Variants in KCNH5 observed in about 807,000 individuals in gnomAD.
KCNH5 encodes voltage-gated delayed rectifier potassium channel KCNH5.
In KCNH5, 46 loss-of-function variants were observed where a neutral mutation model predicts 96.1. The observed-to-expected ratio is 0.48, with a 90% confidence interval of 0.38 to 0.61. The LOEUF (loss-of-function observed/expected upper bound fraction) is 0.61, where lower values mean the gene tolerates loss of function less well. KCNH5 is among the 20% of genes least tolerant of loss of function. The probability of loss-of-function intolerance (pLI) is 0.00; values close to 1 mark genes in which losing one functional copy is unlikely to be tolerated. For synonymous variants in KCNH5, 439 were observed against 449.8 expected, an observed-to-expected ratio of 0.98 and a Z score of 0.30; for missense variants, 907 against 1,225.8, an observed-to-expected ratio of 0.74 and a Z score of 3.88.
At chr14:62,864,805 G>A in intron 7 of KCNH5, among the ~76,000 whole-genome samples, 1 of 152,062 alleles carries the variant, frequency 6.6e-6, no homozygotes, top group East Asian at 1.9e-4. Flanking sequence ...ATGCTTGTTT[G>A]TTTTTAGAAC....
chr14:62,753,916 A>AG (rs1422099935), intron 10 of KCNH5, among the ~76,000 whole-genome samples: 7 of 152,186 alleles, frequency 4.6e-5, no homozygotes, highest in Non-Finnish European at 2.9e-5. Flanking sequence ...AAAACTTACT[A>AG]GTAATAGTAA....
At chr14:63,018,938 T>C (rs919562916) in intron 1 of KCNH5, among the ~76,000 whole-genome samples, 2 of 151,922 alleles carry the variant, frequency 1.3e-5, no homozygotes, top group Non-Finnish European at 2.9e-5. Context: ...AAATTAAAAA[T>C]TTATTGGATT....
intron 4 of KCNH5, among the ~76,000 whole-genome samples, chr14:62,988,170 C>A (rs1193500068): frequency 6.6e-6 from 1 of 151,978 alleles, no homozygotes; most frequent in Non-Finnish European, 1.5e-5. Context: ...ACAAATAGAA[C>A]AAAACCAGCC....
At chr14:62,897,909 C>T (rs1208236680) in intron 7 of KCNH5, among the ~76,000 whole-genome samples, 2 of 151,998 alleles carry the variant, frequency 1.3e-5, no homozygotes, top group Non-Finnish European at 2.9e-5. Context: ...TGGAGCATGG[C>T]AAACCAATAC....
chr14:62,750,471 G>A (rs1463774367), intron 10 of KCNH5, among the ~76,000 whole-genome samples: 1 of 152,144 alleles, frequency 6.6e-6, no homozygotes, highest in East Asian at 1.9e-4. Context: ...CCGTGGCTGA[G>A]GGTACAAACC....
At chr14:62,909,477 T>C (rs1889107845) in intron 7 of KCNH5, among the ~76,000 whole-genome samples, 1 of 152,232 alleles carries the variant, frequency 6.6e-6, no homozygotes, top group Non-Finnish European at 1.5e-5. Flanking sequence ...ATCTAGCTTT[T>C]TATTAAAAGA....
chr14:62,749,571 T>A (rs1252008963), intron 10 of KCNH5, among the ~76,000 whole-genome samples: 1 of 152,222 alleles, frequency 6.6e-6, no homozygotes, highest in Non-Finnish European at 1.5e-5. Context: ...ATTCAAGAAG[T>A]GTGTTTTGCA....
chr14:62,763,273 A>G (rs557118039), intron 10 of KCNH5, among the ~76,000 whole-genome samples: 1 of 152,334 alleles, frequency 6.6e-6, no homozygotes, highest in South Asian at 2.1e-4. Flanking sequence ...TGGAAATTAA[A>G]CAACCTGCTC....
At position 62,865,869 on chromosome 14, in the gene KCNH5, T is replaced by C. The variant is rs574952328; in HGVS notation, c.1370-16017A>G. ...TAAGCAAGCACTGCAAGTTATTTTA[T>C]ATATGATGGGGTACTTCACTGACTT... On this transcript the variant is annotated intron_variant, in intron 7 of 10. Transcript: ENST00000322893. 2.0e-5 allele frequency among the ~76,000 whole-genome samples: 3 copies of C among 152,348 alleles called. No individual in the cohort carries two copies. In the South Asian group the frequency reaches 6.2e-4, roughly 32 times the overall value.
chr14:62,849,962 G>A, intron 7 of KCNH5, 110 bp from the exon 8 acceptor site: 1 of 841,992 alleles, frequency 1.2e-6, no homozygotes, highest in South Asian at 1.6e-5. Flanking sequence ...AAACTTGCAG[G>A]GGTAAATACA....
intron 8 of KCNH5, among the ~76,000 whole-genome samples, chr14:62,806,542 A>T (rs1418807358): frequency 6.6e-6 from 1 of 152,042 alleles, no homozygotes; most frequent in Non-Finnish European, 1.5e-5. Context: ...TACTGAAGAA[A>T]CCACCCTCCC....
intron 8 of KCNH5, among the ~76,000 whole-genome samples, chr14:62,838,967 A>T (rs1169594661): frequency 6.6e-6 from 1 of 152,030 alleles, no homozygotes; most frequent in Non-Finnish European, 1.5e-5. Context: ...TTGATACTTT[A>T]GAAGAAATAA....
intron 7 of KCNH5, among the ~76,000 whole-genome samples, chr14:62,899,877 G>T (rs1215975600): frequency 6.6e-6 from 1 of 151,988 alleles, no homozygotes; most frequent in Non-Finnish European, 1.5e-5. Flanking sequence ...TTAATTCTTG[G>T]AACAGGACCT....
At chr14:62,810,329 C>A (rs990132512) in intron 8 of KCNH5, among the ~76,000 whole-genome samples, 3 of 151,864 alleles carry the variant, frequency 2.0e-5, no homozygotes, top group Non-Finnish European at 4.4e-5. Context: ...GATCTTCATC[C>A]CTCTGCAACC....
rs369270210 is a variant in KCNH5, at chr14:63,017,816, T to C, written c.74-862A>G. Among the ~76,000 whole-genome samples, 52 of 151,924 alleles carry C rather than the reference T, an allele frequency of 3.4e-4. No homozygotes were observed. The East Asian group carries it at 8.5e-3, about 25-fold the overall frequency. On this transcript the variant is annotated intron_variant, in intron 1 of 10. Transcript: ENST00000322893. The stretch of plus-strand genomic sequence containing the variant: ...AAAATTTCACCTAAGAAAATTTCCT[T>C]TGAACTCATACTCAGGGTAGTATAC...
At position 63,045,349 on chromosome 14, in the gene KCNH5, C is replaced by A. The variant is rs1891905275; in HGVS notation, c.-163G>T. ...TCCCCTGACTGTGTCTCCAGCCCGA[C>A]CCGGATGAGCAGCTCTGGGGAGGAG... On this transcript the variant is annotated 5_prime_UTR_variant, in exon 1 of 11. Transcript: ENST00000322893. 1.6e-6 allele frequency: 1 copy of A among 642,360 alleles called. No homozygotes were observed. The highest frequency in any genetic ancestry group is 2.8e-6 in the Non-Finnish European group (1 of 355,556). 39.8% of individuals were successfully genotyped at this position (642,360 alleles called of 1,614,324 possible). A position where few individuals can be genotyped will look rare whatever the true frequency, so the allele number is the denominator to read the frequency against.
chr14:62,726,426 TA>T (rs1884926898), intron 10 of KCNH5, among the ~76,000 whole-genome samples: 1 of 151,982 alleles, frequency 6.6e-6, no homozygotes, highest in Non-Finnish European at 1.5e-5. Flanking sequence ...CCAGAATCTA[TA>T]AAAAATTGTT....
At chr14:62,915,741 T>C (rs1377101254) in intron 7 of KCNH5, among the ~76,000 whole-genome samples, 1 of 152,196 alleles carries the variant, frequency 6.6e-6, no homozygotes, top group African/African-American at 2.4e-5. Flanking sequence ...TAATAAAATC[T>C]TTTTATCGAA....
At chr14:62,822,777 G>T (rs1011430651) in intron 8 of KCNH5, among the ~76,000 whole-genome samples, 19 of 151,636 alleles carry the variant, frequency 1.3e-4, no homozygotes, top group African/African-American at 4.4e-4. Flanking sequence ...GAATTTTATC[G>T]ATCATTTTCA....
Sources: gnomAD v4.1 joint callset for allele counts (sites outside exome capture counted in the v4.1 genomes callset) on GRCh38, gnomAD v4.1.1 for gene constraint, MANE v1.5 for transcripts, NCBI Gene and HGNC (gene_info 2026-07-23, HGNC 2026-07-21) for gene names.